SLC39A10: variants seen among roughly 807,000 people sequenced by gnomAD.
SLC39A10 encodes zinc transporter ZIP10.
A neutral mutation model predicts 65.1 loss-of-function variants in SLC39A10; 13 were observed. The ratio of observed to expected loss-of-function variants is 0.20; its 90% CI spans 0.13 to 0.32. SLC39A10 has a LOEUF of 0.32. Ranked by LOEUF, SLC39A10 falls within the 10% of genes least tolerant of loss-of-function variation. The pLI is 1.00. For missense variants in SLC39A10, 831 were observed against 1,018.4 expected (o/e 0.82, Z 2.50); for synonymous variants, 321 against 342.2 (o/e 0.94, Z 0.68).
chr2:195,680,917 G>A lies in SLC39A10; in HGVS notation c.875G>A (p.Arg292His), dbSNP rs201487868. The stretch of plus-strand genomic sequence containing the variant: ...GAACGTAATGGTCATGATCCTGGTC[G>A]TGGACACCAAGATCTTGATCCTGAT... ...LPERNGHDPG[R>H]GHQDLDPDNE... The change falls in exon 2 of 10, where the codon CGT becomes CAT. Residue 292 changes from arginine to histidine, a missense_variant. Transcript: ENST00000359634. The A allele has an allele frequency of 6.2e-6, 10 of 1,613,992 alleles. No homozygotes were observed. Among genetic ancestry groups the A allele is most frequent in the South Asian group, 4.4e-5 (4 of 91,070 alleles).
intron 9 of SLC39A10, among the ~76,000 whole-genome samples, chr2:195,731,513 TTG>T (rs1315305041): frequency 1.3e-5 from 2 of 152,212 alleles, no homozygotes; most frequent in Non-Finnish European, 2.9e-5. Flanking sequence ...ACAGGCATTT[TTG>T]TCTTATTTTA....
At chr2:195,632,685 A>G (rs1194200598) in intron 2 of SLC39A10, among the ~76,000 whole-genome samples, 1 of 152,172 alleles carries the variant, frequency 6.6e-6, no homozygotes, top group Non-Finnish European at 1.5e-5. Context: ...TTTCTCTTAG[A>G]GTCTAGACCC....
At chr2:195,685,554 T>C (rs1423902382) in intron 3 of SLC39A10, among the ~76,000 whole-genome samples, 1 of 152,142 alleles carries the variant, frequency 6.6e-6, no homozygotes, top group Non-Finnish European at 1.5e-5. Flanking sequence ...AAACTACTGA[T>C]AATAGATTGT....
chr2:195,679,982 A>T lies in SLC39A10; in HGVS notation c.-11-50A>T, dbSNP rs545197129. The T allele has an allele frequency of 1.3e-5, 18 of 1,431,014 alleles. No homozygotes were observed. In the East Asian group the frequency reaches 3.8e-4, roughly 30 times the overall value. 88.6% of individuals were successfully genotyped at this position (1,431,014 alleles called of 1,614,324 possible). Reference sequence around the variant, plus strand: ...CTTCCAGAGAATTAGATTGTTTTGAATGTGTCTAGGTAGAAACTAATACTT... The same window carrying T: ...CTTCCAGAGAATTAGATTGTTTTGATTGTGTCTAGGTAGAAACTAATACTT... On this transcript the variant is annotated intron_variant, in intron 1 of 9. Coordinates refer to ENST00000359634, the MANE Select transcript of SLC39A10 (RefSeq NM_020342.3).
At chr2:195,643,412 A>G (rs1688848639) in intron 2 of SLC39A10, among the ~76,000 whole-genome samples, 2 of 152,208 alleles carry the variant, frequency 1.3e-5, no homozygotes, top group South Asian at 4.1e-4. Context: ...TATTCATCCT[A>G]TTTCATTTCT....
chr2:195,734,393 C>T (rs1004597663), intron 9 of SLC39A10, among the ~76,000 whole-genome samples: 2 of 152,042 alleles, frequency 1.3e-5, no homozygotes, highest in African/African-American at 4.8e-5. Context: ...GAACTCCTGA[C>T]CCCATGATCC....
intron 1 of SLC39A10, among the ~76,000 whole-genome samples, chr2:195,669,376 A>C (rs1689759937): frequency 6.6e-6 from 1 of 152,216 alleles, no homozygotes; most frequent in Non-Finnish European, 1.5e-5. Flanking sequence ...CCTGTCTTTC[A>C]AGTCAGAGAA....
intron 2 of SLC39A10, among the ~76,000 whole-genome samples, chr2:195,621,018 G>A (rs1214262525): frequency 6.6e-6 from 1 of 152,156 alleles, no homozygotes; most frequent in Admixed American, 6.6e-5. Flanking sequence ...TAAATAGAGG[G>A]TTCAAGAGTC....
chr2:195,632,388 G>A (rs550540476), intron 2 of SLC39A10, among the ~76,000 whole-genome samples: 63 of 133,696 alleles, frequency 4.7e-4, no homozygotes, highest in African/African-American at 1.7e-3. Flanking sequence ...CAACCTCCTC[G>A]TCCCGGGTTC....
At chr2:195,708,576 G>C in intron 4 of SLC39A10, 80 bp from the exon 5 acceptor site, 1 of 1,065,958 alleles carries the variant, frequency 9.4e-7, no homozygotes, top group East Asian at 2.7e-5. Context: ...TCATTTAGGA[G>C]ATTATAATTA....
At chr2:195,697,914 A>G (rs1691030473) in intron 3 of SLC39A10, among the ~76,000 whole-genome samples, 1 of 152,178 alleles carries the variant, frequency 6.6e-6, no homozygotes, top group African/African-American at 2.4e-5. Context: ...TTTTCATTGT[A>G]CAGGTCTTCT....
chr2:195,720,515 AC>A (rs1259239653), intron 8 of SLC39A10, among the ~76,000 whole-genome samples: 2 of 152,224 alleles, frequency 1.3e-5, no homozygotes, highest in African/African-American at 4.8e-5. Flanking sequence ...CTGAAAACTC[AC>A]CTGGCTATGA....
chr2:195,693,309 G>A (rs574866178), intron 3 of SLC39A10, among the ~76,000 whole-genome samples: 82 of 152,122 alleles, frequency 5.4e-4, no homozygotes, highest in African/African-American at 1.9e-3. Context: ...TCCTTCTCTC[G>A]TTTTGGTATT....
chr2:195,616,962 T>A (rs530195514), intron 2 of SLC39A10, among the ~76,000 whole-genome samples: 1 of 152,318 alleles, frequency 6.6e-6, no homozygotes, highest in East Asian at 1.9e-4. Flanking sequence ...CCTGTTTTGT[T>A]GTTGTGTTGT....
chr2:195,726,014 G>T (rs1259695463), intron 8 of SLC39A10, among the ~76,000 whole-genome samples: 1 of 152,088 alleles, frequency 6.6e-6, no homozygotes, highest in Non-Finnish European at 1.5e-5. Flanking sequence ...ATGGTTATAG[G>T]GTGTATGTGT....
intron 1 of SLC39A10, among the ~76,000 whole-genome samples, chr2:195,668,703 G>C (rs1689733102): frequency 6.6e-6 from 1 of 151,920 alleles, no homozygotes; most frequent in Admixed American, 6.5e-5. Context: ...TGTTGTTGTT[G>C]TTTGTTTGTT....
chr2:195,653,378 C>G (rs1020542591), upstream of SLC39A10, among the ~76,000 whole-genome samples: 1 of 150,608 alleles, frequency 6.6e-6, no homozygotes, highest in African/African-American at 2.4e-5. Context: ...ACTGCAACCT[C>G]TGCCTCCTGG....
chr2:195,674,987 G>A (rs1009570760), intron 1 of SLC39A10, among the ~76,000 whole-genome samples: 6 of 152,200 alleles, frequency 3.9e-5, no homozygotes, highest in African/African-American at 1.4e-4. Flanking sequence ...CTGTGAGTGA[G>A]TCAGTGAGTG....
At chr2:195,630,884 A>G (rs368371373) in intron 2 of SLC39A10, among the ~76,000 whole-genome samples, 26 of 152,326 alleles carry the variant, frequency 1.7e-4, no homozygotes, top group African/African-American at 6.3e-4. Flanking sequence ...CTGTACAGCT[A>G]TTTAAAAAAT....
Sources: allele counts gnomAD v4.1 joint callset (sites outside exome capture counted in the v4.1 genomes callset), GRCh38; gene constraint gnomAD v4.1.1; transcripts MANE v1.5; gene names NCBI Gene and HGNC (gene_info 2026-07-23, HGNC 2026-07-21).